Variants in RUVBL1 observed in about 807,000 individuals in gnomAD.
RUVBL1 encodes the protein ruvB-like 1.
A neutral mutation model predicts 52.4 loss-of-function variants in RUVBL1; 4 were observed. The observed-to-expected ratio is 0.08, with a 90% confidence interval of 0.04 to 0.17. RUVBL1 has a LOEUF of 0.17. RUVBL1 is among the 10% of genes least tolerant of loss of function. The pLI, the probability that RUVBL1 is intolerant of heterozygous loss-of-function variation, is 1.00. For synonymous variants in RUVBL1, 217 were observed against 214.4 expected, an observed-to-expected ratio of 1.01 and a Z score of -0.10; for missense variants, 298 against 572.8, an observed-to-expected ratio of 0.52 and a Z score of 4.90.
intron 9 of RUVBL1, among the ~76,000 whole-genome samples, chr3:128,086,650 T>C (rs1384819700): frequency 2.0e-5 from 3 of 152,218 alleles, no homozygotes; most frequent in Admixed American, 2.0e-4. Flanking sequence ...ACTGCCTGGC[T>C]TTGCATCCTG....
chr3:128,148,912 T>C (rs1480156322), intron 1 of RUVBL1, among the ~76,000 whole-genome samples: 2 of 152,202 alleles, frequency 1.3e-5, no homozygotes, highest in East Asian at 3.9e-4. Context: ...AGACAGACCA[T>C]GATCTCTCTT....
intron 1 of RUVBL1, among the ~76,000 whole-genome samples, chr3:128,130,138 C>T (rs560971956): frequency 1.3e-5 from 2 of 152,046 alleles, no homozygotes; most frequent in South Asian, 4.2e-4. Context: ...ACAAAATTGA[C>T]AAATCTTTAG....
intron 9 of RUVBL1, chr3:128,069,741 G>A: frequency 1.7e-6 from 2 of 1,158,128 alleles, no homozygotes; most frequent in Admixed American, 4.1e-5. Flanking sequence ...GCGTGCTGCT[G>A]CGGCATATGG....
At chr3:128,108,635 T>G (rs931563183) in intron 3 of RUVBL1, among the ~76,000 whole-genome samples, 1 of 151,902 alleles carries the variant, frequency 6.6e-6, no homozygotes, top group Admixed American at 6.6e-5. Context: ...GGAAACAGAT[T>G]GCAGTGAGCC....
downstream of RUVBL1, among the ~76,000 whole-genome samples, chr3:128,080,036 G>A (rs559576970): frequency 3.0e-4 from 45 of 152,326 alleles, no homozygotes; most frequent in African/African-American, 9.6e-4. Context: ...GGGCAAGAAC[G>A]CAGCTCTCAT....
At position 128,067,708 on chromosome 3, in the gene RUVBL1, G is replaced by A. The variant is rs9858267; in HGVS notation, c.940-2488C>T. On this transcript the variant is annotated intron_variant, in intron 9 of 9. Transcript: ENST00000464873. This position sits in a 1 kb window ranked among gnomAD's most constrained non-coding sequence, Gnocchi z 4.1. Reference sequence around the variant, plus strand: ...CTCATCATAAATAATGGTCTGTGACGTGTGCAGATAGATCGTCGTCCTTTA... The same window carrying A: ...CTCATCATAAATAATGGTCTGTGACATGTGCAGATAGATCGTCGTCCTTTA... 0.23 allele frequency: 237,752 copies of A among 1,022,698 alleles called. 29,105 individuals carry two copies. The highest frequency in any genetic ancestry group is 0.27 in the South Asian group (17,156 of 64,502). 63.4% of individuals were successfully genotyped at this position (1,022,698 alleles called of 1,614,324 possible).
At chr3:128,131,727 C>A (rs970815308) in intron 1 of RUVBL1, among the ~76,000 whole-genome samples, 1 of 152,034 alleles carries the variant, frequency 6.6e-6, no homozygotes, top group Non-Finnish European at 1.5e-5. Context: ...GGGAAAAGCC[C>A]CACATGATCA....
chr3:128,075,507 T>C (rs1942287583), intron 9 of RUVBL1, among the ~76,000 whole-genome samples: 1 of 152,182 alleles, frequency 6.6e-6, no homozygotes, highest in Admixed American at 6.5e-5. Flanking sequence ...CAACTCAGCC[T>C]TCCCCCACTG....
intron 3 of RUVBL1, among the ~76,000 whole-genome samples, chr3:128,109,908 C>G (rs932558637): frequency 1.3e-5 from 2 of 148,902 alleles, no homozygotes; most frequent in South Asian, 4.3e-4. Context: ...CTCCACCTCC[C>G]GGGTTCAAGC....
chr3:128,089,421 T>G (rs563276719), intron 8 of RUVBL1, among the ~76,000 whole-genome samples: 3 of 152,258 alleles, frequency 2.0e-5, no homozygotes, highest in African/African-American at 7.2e-5. Context: ...CTTAAACTTG[T>G]GCAGGATTGT....
intron 1 of RUVBL1, among the ~76,000 whole-genome samples, chr3:128,120,904 C>A (rs1422904255): frequency 6.6e-6 from 1 of 151,778 alleles, no homozygotes; most frequent in Non-Finnish European, 1.5e-5. Flanking sequence ...TGGCGTGAAC[C>A]CAGGAGGCGG....
At chr3:128,105,701 T>A (rs755636418) in intron 3 of RUVBL1, among the ~76,000 whole-genome samples, 6 of 152,092 alleles carry the variant, frequency 3.9e-5, no homozygotes, top group Non-Finnish European at 8.8e-5. Context: ...CAGAACATAC[T>A]AAAATAATTA....
intron 2 of RUVBL1, among the ~76,000 whole-genome samples, chr3:128,114,750 A>G (rs1282256967): frequency 2.0e-5 from 3 of 152,174 alleles, no homozygotes; most frequent in African/African-American, 7.2e-5. Flanking sequence ...AAGGAAAAAA[A>G]TCTCTGGAAC....
At chr3:128,077,162 C>A (rs2010972), downstream of RUVBL1, among the ~76,000 whole-genome samples, 1 of 151,902 alleles carries the variant, frequency 6.6e-6, no homozygotes, top group African/African-American at 2.4e-5. Flanking sequence ...CCGCCCAGCC[C>A]GCACGGCCTG....
At chr3:128,074,327 G>A (rs1272826576) in intron 9 of RUVBL1, among the ~76,000 whole-genome samples, 4 of 151,540 alleles carry the variant, frequency 2.6e-5, no homozygotes, top group Non-Finnish European at 5.9e-5. Flanking sequence ...AAGTCATGTT[G>A]TATGATGCCA....
At chr3:128,078,503 T>TC (rs903357806), downstream of RUVBL1, among the ~76,000 whole-genome samples, 1 of 152,110 alleles carries the variant, frequency 6.6e-6, no homozygotes, top group Non-Finnish European at 1.5e-5. Flanking sequence ...TGAAAATTCC[T>TC]CCCTCCCTCT....
intron 9 of RUVBL1, among the ~76,000 whole-genome samples, chr3:128,085,720 G>A (rs1942624272): frequency 6.6e-6 from 1 of 152,150 alleles, no homozygotes; most frequent in African/African-American, 2.4e-5. Flanking sequence ...GCCCAGGCTG[G>A]GCCTCCAGCC....
rs1029866374 is a variant in RUVBL1 at position 128,065,398 on chromosome 3, G to C, written c.940-178C>G. 5.5e-6 allele frequency: 3 copies of C among 543,672 alleles called. No individual in the cohort carries two copies. In the African/African-American group the frequency reaches 5.7e-5, roughly 10 times the overall value. 33.7% of individuals were successfully genotyped at this position (543,672 alleles called of 1,614,324 possible). A position where few individuals can be genotyped will look rare whatever the true frequency, so the allele number is the denominator to read the frequency against. ...TAGAAAGTTTGTATGATATTTATAGGTAACTTCTGCATCTCGGAAACGGCC... is the reference window on the plus strand; with the variant it reads ...TAGAAAGTTTGTATGATATTTATAGCTAACTTCTGCATCTCGGAAACGGCC... On this transcript the variant is annotated intron_variant, in intron 9 of 9. Coordinates refer to the RUVBL1 transcript ENST00000464873.
chr3:128,126,947 T>G (rs145810670), upstream of RUVBL1, among the ~76,000 whole-genome samples: 12 of 152,366 alleles, frequency 7.9e-5, no homozygotes, highest in African/African-American at 2.9e-4. Flanking sequence ...GGTAAACACG[T>G]GGCCCTGGCC....
Sources: allele counts gnomAD v4.1 joint callset (sites outside exome capture counted in the v4.1 genomes callset), GRCh38; gene constraint gnomAD v4.1.1; non-coding constraint Gnocchi (gnomAD v3.1); transcripts MANE v1.5; gene names NCBI Gene and HGNC (gene_info 2026-07-23, HGNC 2026-07-21).